TAB2: variants seen among roughly 807,000 people sequenced by gnomAD.
TAB2 encodes TGF-beta-activated kinase 1 and MAP3K7-binding protein 2.
TAB2 carries 3 observed loss-of-function variants against 65.0 expected under a neutral mutation model. That is an observed-to-expected ratio of 0.05 (90% CI 0.02 to 0.12). The LOEUF is 0.12. Ranked by LOEUF, TAB2 falls within the 10% of genes least tolerant of loss-of-function variation. The probability of loss-of-function intolerance (pLI) is 1.00; values close to 1 mark genes in which losing one functional copy is unlikely to be tolerated. For missense variants in TAB2, 623 were observed against 840.3 expected, an observed-to-expected ratio of 0.74 and a Z score of 3.20; for synonymous variants, 298 against 285.1, an observed-to-expected ratio of 1.05 and a Z score of -0.46.
chr6:149,231,490 T>A (rs1194943097), intron 1 of TAB2, among the ~76,000 whole-genome samples: 2 of 152,238 alleles, frequency 1.3e-5, no homozygotes, highest in Admixed American at 6.5e-5. Flanking sequence ...CTTCTAATTT[T>A]CCTACAAATT....
At chr6:149,360,495 G>A (rs1334782982) in intron 1 of TAB2, among the ~76,000 whole-genome samples, 1 of 152,140 alleles carries the variant, frequency 6.6e-6, no homozygotes, top group African/African-American at 2.4e-5. Context: ...GCCAAGGCAG[G>A]GGGCACTAAA....
intron 1 of TAB2, among the ~76,000 whole-genome samples, chr6:149,339,964 G>A (rs935563251): frequency 4.0e-5 from 6 of 151,836 alleles, no homozygotes; most frequent in African/African-American, 1.5e-4. Context: ...TTTACTTTAC[G>A]ATTCATAAGT....
At chr6:149,329,246 A>G (rs1477829653) in intron 1 of TAB2, among the ~76,000 whole-genome samples, 2 of 152,224 alleles carry the variant, frequency 1.3e-5, no homozygotes, top group Non-Finnish European at 2.9e-5. Context: ...AGGAAGAGGC[A>G]GGCATATAAG....
At chr6:149,294,245 G>A (rs1186992042) in intron 1 of TAB2, among the ~76,000 whole-genome samples, 1 of 152,196 alleles carries the variant, frequency 6.6e-6, no homozygotes, top group African/African-American at 2.4e-5. Context: ...TCCTACTGAA[G>A]GCTTTGAGGA....
At chr6:149,368,089 C>G (rs942858904) in intron 1 of TAB2, among the ~76,000 whole-genome samples, 2 of 152,112 alleles carry the variant, frequency 1.3e-5, no homozygotes, top group Non-Finnish European at 2.9e-5. Context: ...AACCATAGAT[C>G]TGAACTCTAC....
intron 1 of TAB2, among the ~76,000 whole-genome samples, chr6:149,339,605 A>ATTTATTTTTTTT (rs1780048535): frequency 3.9e-5 from 2 of 51,154 alleles, no homozygotes; most frequent in African/African-American, 1.3e-4. Context: ...TTATTTATTT[A>ATTTATTTTTTTT]TTTTTTTTTT....
chr6:149,275,410 A>G (rs1402687789), intron 1 of TAB2, among the ~76,000 whole-genome samples: 1 of 152,180 alleles, frequency 6.6e-6, no homozygotes, highest in African/African-American at 2.4e-5. Context: ...TTGAGCAACA[A>G]AATAAATAAA....
chr6:149,400,457 G>A lies in TAB2; in HGVS notation c.1939+1273G>A, dbSNP rs925812635. The A allele has an allele frequency of 2.5e-6, 4 of 1,614,124 alleles. No individual in the cohort carries two copies. The African/African-American group carries it at 4.0e-5, about 16-fold the overall frequency. ...ACAACAATCATATTAATTTGAAGGT[G>A]GCGGGACAGGATGGTTCTGTGGTGC... is the stretch of plus-strand genomic sequence containing the variant. On this transcript the variant is annotated intron_variant, in intron 6 of 6. Coordinates refer to ENST00000637181, the MANE Select transcript of TAB2 (RefSeq NM_001292034.3).
intron 1 of TAB2, chr6:149,346,508 C>T (rs561435191): frequency 1.1e-4 from 15 of 137,260 alleles, no homozygotes; most frequent in African/African-American, 4.2e-4. Flanking sequence ...GGCTGGAGTG[C>T]AATGGTGTGA....
At chr6:149,384,794 G>T (rs1470559970) in intron 3 of TAB2, among the ~76,000 whole-genome samples, 2 of 152,006 alleles carry the variant, frequency 1.3e-5, no homozygotes, top group Non-Finnish European at 1.5e-5. Flanking sequence ...GGAGGACAAA[G>T]CATTCCAACA....
chr6:149,384,835 TTTC>T (rs1459799694), intron 3 of TAB2, among the ~76,000 whole-genome samples: 1 of 152,194 alleles, frequency 6.6e-6, no homozygotes, highest in Non-Finnish European at 1.5e-5. Context: ...AAAGGCCTAC[TTTC>T]TTATTTTGTT....
chr6:149,322,812 G>A (rs1384798922), intron 1 of TAB2, among the ~76,000 whole-genome samples: 1 of 152,078 alleles, frequency 6.6e-6, no homozygotes, highest in Non-Finnish European at 1.5e-5. Context: ...TTTGCTTTTT[G>A]TCATCATTTT....
intron 1 of TAB2, among the ~76,000 whole-genome samples, chr6:149,242,867 G>T (rs1349073743): frequency 1.3e-5 from 2 of 152,206 alleles, no homozygotes; most frequent in African/African-American, 2.4e-5. Context: ...GGCCTCACAG[G>T]TCTCTTCCCT....
At chr6:149,402,376 A>G (rs1583163204) in intron 6 of TAB2, among the ~76,000 whole-genome samples, 1 of 152,294 alleles carries the variant, frequency 6.6e-6, no homozygotes, top group South Asian at 2.1e-4. Context: ...ATCACCTATT[A>G]AAGCTGAATC....
chr6:149,398,956 T>G, intron 5 of TAB2, 148 bp from the exon 6 acceptor site: 1 of 669,414 alleles, frequency 1.5e-6, no homozygotes, highest in East Asian at 2.8e-5. Context: ...TGTTTTGAAA[T>G]CTTACATATA....
chr6:149,345,634 C>T (rs1334073807), intron 1 of TAB2, among the ~76,000 whole-genome samples: 1 of 152,162 alleles, frequency 6.6e-6, no homozygotes, highest in Non-Finnish European at 1.5e-5. Flanking sequence ...ACTCAGCCCC[C>T]TCTCCAGAAT....
chr6:149,349,634 C>A (rs1344434239), intron 1 of TAB2, among the ~76,000 whole-genome samples: 2 of 152,048 alleles, frequency 1.3e-5, no homozygotes, highest in African/African-American at 4.8e-5. Flanking sequence ...GAAATTACAG[C>A]AAAATTGACT....
At chr6:149,243,012 C>T (rs577367829) in intron 1 of TAB2, among the ~76,000 whole-genome samples, 1 of 152,328 alleles carries the variant, frequency 6.6e-6, no homozygotes, top group African/African-American at 2.4e-5. Context: ...TCAGAATCTC[C>T]ACATAGGTTT....
At chr6:149,305,017 T>G (rs555790171) in intron 1 of TAB2, among the ~76,000 whole-genome samples, 1 of 152,236 alleles carries the variant, frequency 6.6e-6, no homozygotes, top group Non-Finnish European at 1.5e-5. Flanking sequence ...TGCTACCTAC[T>G]GTATTTTTAC....
Sources: gnomAD v4.1 joint callset for allele counts (sites outside exome capture counted in the v4.1 genomes callset) on GRCh38, gnomAD v4.1.1 for gene constraint, MANE v1.5 for transcripts, NCBI Gene and HGNC (gene_info 2026-07-23, HGNC 2026-07-21) for gene names.